LCMT1: variants seen among roughly 807,000 people sequenced by gnomAD.
LCMT1 encodes [Phosphatase 2A protein]-leucine-carboxy methyltransferase 1.
Under a neutral mutation model 47.7 loss-of-function variants are expected in LCMT1, and 32 were observed. The ratio of observed to expected loss-of-function variants is 0.67; its 90% confidence interval spans 0.51 to 0.90. The LOEUF (loss-of-function observed/expected upper bound fraction) is 0.90. Ranked by LOEUF, LCMT1 falls within the 40% of genes least tolerant of loss-of-function variation. The probability of loss-of-function intolerance (pLI) is 0.00; values close to 1 mark genes in which losing one functional copy is unlikely to be tolerated. For synonymous variants in LCMT1, 152 were observed against 149.7 expected, an observed-to-expected ratio of 1.02 and a Z score of -0.11; for missense variants, 375 against 415.2, an observed-to-expected ratio of 0.90 and a Z score of 0.84.
At chr16:25,129,400 T>C (rs1020408201) in intron 2 of LCMT1, among the ~76,000 whole-genome samples, 2 of 152,224 alleles carry the variant, frequency 1.3e-5, no homozygotes, top group Non-Finnish European at 2.9e-5. Flanking sequence ...ATTAATCTTC[T>C]TTAATCTGTC....
chr16:25,156,586 G>T (rs182669469), intron 5 of LCMT1, among the ~76,000 whole-genome samples: 1 of 152,340 alleles, frequency 6.6e-6, no homozygotes, highest in East Asian at 1.9e-4. Context: ...CACACTGAAG[G>T]AAGAGCTGGG....
At chr16:25,132,289 C>A in intron 2 of LCMT1, 113 bp from the exon 3 acceptor site, 2 of 1,322,062 alleles carry the variant, frequency 1.5e-6, no homozygotes, top group South Asian at 1.4e-5. Context: ...ACCTCTGACA[C>A]TGCAGAAGGG....
At chr16:25,127,288 C>T (rs752461276) in intron 1 of LCMT1, among the ~76,000 whole-genome samples, 5 of 152,212 alleles carry the variant, frequency 3.3e-5, no homozygotes, top group African/African-American at 7.2e-5. Flanking sequence ...TGGGTCATGA[C>T]TAACTGAAAA....
intron 9 of LCMT1, among the ~76,000 whole-genome samples, chr16:25,171,483 C>T (rs1961770540): frequency 6.6e-6 from 1 of 151,930 alleles, no homozygotes; most frequent in Admixed American, 6.6e-5. Context: ...TATTTTGAAA[C>T]AAGTTAAACA....
intron 1 of LCMT1, chr16:25,125,838 G>GTGA (rs149450921): frequency 6.5e-6 from 1 of 154,358 alleles, no homozygotes; most frequent in Non-Finnish European, 1.3e-5. Flanking sequence ...ATCTCTAATA[G>GTGA]TAATAATAAT....
chr16:25,120,220 G>GT (rs201550792), intron 1 of LCMT1, among the ~76,000 whole-genome samples: 2,279 of 150,314 alleles, frequency 0.015, 65 homozygotes, highest in African/African-American at 0.053. Flanking sequence ...AATTTTATGG[G>GT]TTTTTTTGTT....
intron 7 of LCMT1, 110 bp downstream of exon 7, chr16:25,164,828 C>T: frequency 4.3e-6 from 6 of 1,407,086 alleles, no homozygotes; most frequent in South Asian, 1.2e-5. Flanking sequence ...TGCCTCCAGC[C>T]TCTCACATAT....
chr16:25,153,430 G>A (rs567811737), intron 5 of LCMT1, among the ~76,000 whole-genome samples: 3 of 152,300 alleles, frequency 2.0e-5, no homozygotes, highest in African/African-American at 7.2e-5. Context: ...AAGAGAGCAT[G>A]ACTGTGTGAG....
intron 5 of LCMT1, among the ~76,000 whole-genome samples, chr16:25,154,262 C>T (rs189585751): frequency 9.9e-5 from 15 of 151,934 alleles, no homozygotes; most frequent in East Asian, 5.9e-4. Flanking sequence ...TCCTCTGCCT[C>T]GGCCTCCCAA....
intron 4 of LCMT1, chr16:25,142,128 G>A (rs1294663359): frequency 6.6e-6 from 1 of 152,436 alleles, no homozygotes; most frequent in South Asian, 2.1e-4. Context: ...GGCAGTCTGG[G>A]TGTCCACAAA....
chr16:25,154,091 C>T (rs1292473902), intron 5 of LCMT1, among the ~76,000 whole-genome samples: 5 of 151,678 alleles, frequency 3.3e-5, no homozygotes, highest in African/African-American at 4.8e-5. Context: ...CTCACTGCAA[C>T]CTCTGCCTCC....
At chr16:25,140,559 C>T (rs1298979916) in intron 4 of LCMT1, 4 of 332,864 alleles carry the variant, frequency 1.2e-5, no homozygotes, top group Non-Finnish European at 2.2e-5. Context: ...AGGGAGACAG[C>T]AGAGGCACAA....
intron 6 of LCMT1, among the ~76,000 whole-genome samples, chr16:25,162,598 AAAAAAG>A (rs1158553450): frequency 1.3e-5 from 2 of 151,760 alleles, no homozygotes; most frequent in African/African-American, 4.8e-5. Context: ...CAAAAAAAAA[AAAAAAG>A]AAAAGAAAAG....
chr16:25,132,227 C>CAAAA, intron 2 of LCMT1, 175 bp from the exon 3 acceptor site: 1 of 585,216 alleles, frequency 1.7e-6, no homozygotes, highest in Non-Finnish European at 2.8e-6. Context: ...TGCCTTTAAC[C>CAAAA]AAAAAAAAAA....
At chr16:25,140,669 C>G (rs1960658284) in intron 4 of LCMT1, 2 of 166,434 alleles carry the variant, frequency 1.2e-5, no homozygotes, top group African/African-American at 2.4e-5. Context: ...CTGGGCTGGG[C>G]AAAGCACATG....
intron 1 of LCMT1, among the ~76,000 whole-genome samples, chr16:25,117,441 T>C (rs1334231951): frequency 1.3e-5 from 2 of 152,222 alleles, no homozygotes; most frequent in African/African-American, 4.8e-5. Flanking sequence ...ACATCTCCAC[T>C]TGGATGTCCC....
intron 3 of LCMT1, among the ~76,000 whole-genome samples, chr16:25,138,659 A>G (rs1960577030): frequency 6.6e-6 from 1 of 152,234 alleles, no homozygotes; most frequent in African/African-American, 2.4e-5. Context: ...AAAGGCACAC[A>G]CGTGTTGATT....
intron 5 of LCMT1, chr16:25,158,927 C>T (rs1399012827): frequency 1.3e-5 from 2 of 152,208 alleles, no homozygotes; most frequent in African/African-American, 4.8e-5. Context: ...CAGTATGCCA[C>T]CACATACGGC....
At chr16:25,164,379 C>T (rs1461500725) in intron 6 of LCMT1, among the ~76,000 whole-genome samples, 10 of 152,074 alleles carry the variant, frequency 6.6e-5, no homozygotes, top group Non-Finnish European at 1.5e-4. Context: ...TTTTCATTGC[C>T]ACACAAATCA....
Sources: allele counts gnomAD v4.1 joint callset (sites outside exome capture counted in the v4.1 genomes callset), GRCh38; gene constraint gnomAD v4.1.1; transcripts MANE v1.5; gene names NCBI Gene and HGNC (gene_info 2026-07-23, HGNC 2026-07-21).